DISP1: variants seen among roughly 807,000 people sequenced by gnomAD.
The protein encoded by DISP1 is protein dispatched homolog 1.
A neutral mutation model predicts 37.3 loss-of-function variants in DISP1; 30 were observed. That is an observed-to-expected ratio of 0.80 (90% CI 0.60 to 1.09). The LOEUF is 1.09. DISP1 is among the 50% of genes least tolerant of loss of function. The pLI is 0.00. For missense variants in DISP1, 1,598 were observed against 1,879.5 expected, an observed-to-expected ratio of 0.85 and a Z score of 2.77; for synonymous variants, 634 against 690.2, an observed-to-expected ratio of 0.92 and a Z score of 1.28.
intron 4 of DISP1, among the ~76,000 whole-genome samples, chr1:222,985,461 C>T (rs1678205978): frequency 6.6e-6 from 1 of 152,172 alleles, no homozygotes; most frequent in African/African-American, 2.4e-5. Context: ...ACCAGCCTGG[C>T]CAACATGGTG....
At chr1:222,836,762 T>TACACACAC (rs545136268) in intron 1 of DISP1, among the ~76,000 whole-genome samples, 1 of 147,472 alleles carries the variant, frequency 6.8e-6, no homozygotes, top group African/African-American at 2.5e-5. Context: ...TATATATATA[T>TACACACAC]ACACACACAC....
rs187385371 is a variant in DISP1 at position 222,825,710 on chromosome 1, C to T, written c.-159+10632C>T. On this transcript the variant is annotated intron_variant, in intron 1 of 8. Coordinates refer to ENST00000675850, the MANE Select transcript of DISP1 (RefSeq NM_001377229.1). ...TAGAGACGGGGTTTCACCATGTTGG[C>T]CAGGCTGGTCTCGAACTCCTGGCCT... Among the ~76,000 whole-genome samples, 408 of 152,172 alleles carry T rather than the reference C, an allele frequency of 2.7e-3. 1 individual carries two copies. Among genetic ancestry groups the T allele is most frequent in the Middle Eastern group, 0.017 (5 of 294 alleles).
intron 4 of DISP1, among the ~76,000 whole-genome samples, chr1:222,989,217 C>A (rs1475452371): frequency 6.6e-6 from 1 of 152,002 alleles, no homozygotes; most frequent in Non-Finnish European, 1.5e-5. Flanking sequence ...AGAAATAACT[C>A]AAAAATATAT....
chr1:222,917,137 G>C (rs992294231), intron 1 of DISP1, among the ~76,000 whole-genome samples: 2 of 152,226 alleles, frequency 1.3e-5, no homozygotes, highest in Non-Finnish European at 2.9e-5. Context: ...TGTAGAAGCT[G>C]AGGGCTGCTG....
chr1:223,004,664 C>T lies in DISP1; in HGVS notation c.3267C>T (p.Thr1089=), dbSNP rs143082845. The change falls in exon 9 of 9, where the codon ACC becomes ACT. Residue 1089 remains threonine (T), a synonymous_variant. Transcript: ENST00000675850. The surrounding 1 kb of genome is among the most constrained non-coding windows in gnomAD (Gnocchi z 4.9). ...CTGCGATGGCCATGGCTGCCCTGACCACCTTCGTGGCAGGGGCCATGATGA... is the reference window on the plus strand; with the variant it reads ...CTGCGATGGCCATGGCTGCCCTGACTACCTTCGTGGCAGGGGCCATGATGA... ...VGSAMAMAAL[T]TFVAGAMMMP... 2 of 1,614,086 alleles carry T rather than the reference C, an allele frequency of 1.2e-6. No homozygotes were observed. The highest frequency in any genetic ancestry group is 1.1e-5 in the South Asian group (1 of 91,068).
intron 2 of DISP1, among the ~76,000 whole-genome samples, chr1:222,931,331 T>A (rs1673382159): frequency 6.6e-6 from 1 of 151,826 alleles, no homozygotes; most frequent in South Asian, 2.1e-4. Context: ...GGTTTTGACA[T>A]GTGTGAAGTA....
At chr1:222,936,754 ATG>A (rs1673801803) in intron 2 of DISP1, among the ~76,000 whole-genome samples, 3 of 78,136 alleles carry the variant, frequency 3.8e-5, no homozygotes, top group African/African-American at 1.5e-4. Flanking sequence ...TATCATATAT[ATG>A]ATATATAAAA....
chr1:223,000,162 G>C (rs534844079), intron 8 of DISP1, among the ~76,000 whole-genome samples: 27 of 152,284 alleles, frequency 1.8e-4, no homozygotes, highest in African/African-American at 6.3e-4. Flanking sequence ...TTTCCTTCTA[G>C]CTGATAATGG....
chr1:222,991,331 A>G (rs1370112659), intron 5 of DISP1, among the ~76,000 whole-genome samples, 189 bp from the exon 6 acceptor site: 1 of 152,252 alleles, frequency 6.6e-6, no homozygotes, highest in African/African-American at 2.4e-5. Flanking sequence ...TTGTCACAGC[A>G]AATAGGTGAT....
In DISP1 at chr1:222,972,357, G is replaced by C. The variant is rs150362420; in HGVS notation, c.510-10723G>C. On this transcript the variant is annotated intron_variant, in intron 3 of 8. Coordinates refer to ENST00000675850, the MANE Select transcript of DISP1 (RefSeq NM_001377229.1). ...AGGTCACTGCAGTAGCTCCTAACCT[G>C]CTCTCCTTCCCTTTAGCATTTCCCC... Among the ~76,000 whole-genome samples, 1,131 of 152,014 alleles carry C rather than the reference G, an allele frequency of 7.4e-3. 17 individuals are homozygous for C. Among genetic ancestry groups the C allele is most frequent in the African/African-American group, 0.026 (1,062 of 41,500 alleles).
At chr1:222,831,587 C>G (rs945102257) in intron 1 of DISP1, among the ~76,000 whole-genome samples, 4 of 152,122 alleles carry the variant, frequency 2.6e-5, no homozygotes, top group African/African-American at 4.8e-5. Context: ...ACTGCAAGTA[C>G]TTTTGTAACC....
chr1:223,001,574 A>G (rs747566276), intron 8 of DISP1, among the ~76,000 whole-genome samples: 32 of 152,154 alleles, frequency 2.1e-4, no homozygotes, highest in Non-Finnish European at 3.5e-4. Context: ...GGACTGGGTA[A>G]TTTATAAACA....
intron 1 of DISP1, among the ~76,000 whole-genome samples, chr1:222,834,685 A>G (rs1052684705): frequency 2.0e-5 from 3 of 152,116 alleles, no homozygotes; most frequent in Admixed American, 2.0e-4. Context: ...AGATAAGATT[A>G]TTTTTTCAGA....
rs142457900 is a variant in DISP1 at position 222,971,321 on chromosome 1, T to C, written c.510-11759T>C. Among the ~76,000 whole-genome samples the C allele has an allele frequency of 3.9e-4, 59 of 152,028 alleles. No individual in the cohort carries two copies. The East Asian group carries it at 0.011, about 27-fold the overall frequency. On this transcript the variant is annotated intron_variant, in intron 3 of 8. Transcript: ENST00000675850. ...TCCTCCTGGCCTGTAAATGAAGATA[T>C]CACAACAGCTGCAAGGTATTGGTTA...
intron 3 of DISP1, among the ~76,000 whole-genome samples, chr1:222,972,930 AT>A (rs1677062833): frequency 6.6e-6 from 1 of 152,124 alleles, no homozygotes; most frequent in African/African-American, 2.4e-5. Flanking sequence ...GGGGTTGGAA[AT>A]CTCTAGTTTT....
At chr1:222,930,531 A>C (rs1673327826) in intron 2 of DISP1, among the ~76,000 whole-genome samples, 1 of 152,064 alleles carries the variant, frequency 6.6e-6, no homozygotes, top group Non-Finnish European at 1.5e-5. Flanking sequence ...AAACAGGCTT[A>C]TGTATTACAG....
chr1:222,970,637 T>C (rs1676866145), intron 3 of DISP1, among the ~76,000 whole-genome samples: 1 of 152,178 alleles, frequency 6.6e-6, no homozygotes, highest in Non-Finnish European at 1.5e-5. Context: ...GAAAGGACCT[T>C]AGAAATAATT....
At position 223,004,095 on chromosome 1, in the gene DISP1, A is replaced by G. The variant is rs199544731; in HGVS notation, c.2698A>G (p.Ser900Gly). Reference protein sequence around the residue: ...IKRAIMELERSTGYHLDSKTP... With the variant: ...IKRAIMELERGTGYHLDSKTP... ...GAGAGCTATCATGGAGCTGGAAAGG[A>G]GTACAGGGTACCATTTGGATAGCAA... The change falls in exon 9 of 9, where the codon AGT becomes GGT. Residue 900 changes from serine (S) to glycine (G), a missense_variant. Physicochemically the swap from Ser to Gly is moderately conservative, Grantham distance 56 (BLOSUM62 0). Coordinates refer to ENST00000675850, the MANE Select transcript of DISP1 (RefSeq NM_001377229.1). The surrounding 1 kb of genome is among the most constrained non-coding windows in gnomAD (Gnocchi z 4.9). 6.2e-7 allele frequency: 1 copy of G among 1,614,186 alleles called. No individual in the cohort carries two copies. Among genetic ancestry groups the G allele is most frequent in the East Asian group, 2.2e-5 (1 of 44,890 alleles).
chr1:222,816,800 G>A (rs935207750), intron 1 of DISP1, among the ~76,000 whole-genome samples: 1 of 152,150 alleles, frequency 6.6e-6, no homozygotes, highest in African/African-American at 2.4e-5. Flanking sequence ...AAAATGAAGA[G>A]ATAACACTGA....
Sources: allele counts gnomAD v4.1 joint callset (sites outside exome capture counted in the v4.1 genomes callset), GRCh38; gene constraint gnomAD v4.1.1; non-coding constraint Gnocchi (gnomAD v3.1); transcripts MANE v1.5; gene names NCBI Gene and HGNC (gene_info 2026-07-23, HGNC 2026-07-21).